The following SIPA1 variants were observed in gnomAD, a reference collection of about 807,000 sequenced individuals.
SIPA1 encodes signal-induced proliferation-associated protein 1.
Under a neutral mutation model 88.1 loss-of-function variants are expected in SIPA1, and 51 were observed. That is an observed-to-expected ratio of 0.58 (90% CI 0.46 to 0.73). SIPA1 has a LOEUF of 0.73. Among genes scored for constraint, SIPA1 ranks in the 30% least tolerant of loss-of-function variants. The probability of loss-of-function intolerance (pLI) is 0.00; values close to 1 mark genes in which losing one functional copy is unlikely to be tolerated. For missense variants in SIPA1, 1,348 were observed against 1,467.6 expected, an observed-to-expected ratio of 0.92 and a Z score of 1.33; for synonymous variants, 681 against 664.8, an observed-to-expected ratio of 1.02 and a Z score of -0.37.
Position 65,646,737 on chromosome 11 carries a change from C to T in SIPA1, c.1703C>T (p.Pro568Leu). Residue 568 changes from proline to leucine, a missense_variant, in exon 8 of 16, where the codon CCT becomes CTT. Around this residue, in one of 4 missense-constraint regions of SIPA1, gnomAD observed 68 missense variants for 59.0 expected, o/e 1.15. Transcript: ENST00000534313. The surrounding 1 kb of genome is among the most constrained non-coding windows in gnomAD (Gnocchi z 7.5). ...CTGGGTGGGAGGCGCCGGGCGGCCC[C>T]TCGGGGCCCAGGCGCCGAGCTGCAG... ...PSLGGRRRAA[P>L]RGPGAELQAA... The T allele has an allele frequency of 6.6e-7, 1 of 1,523,868 alleles. No individual in the cohort carries two copies. The highest frequency in any genetic ancestry group is 8.8e-7 in the Non-Finnish European group (1 of 1,139,740). The allele number at this position is 1,523,868 out of a possible 1,614,324, so 94.4% of individuals were successfully genotyped here. A position where few individuals can be genotyped will look rare whatever the true frequency, so the allele number is the denominator to read the frequency against.
Position 65,647,367 on chromosome 11 carries a change from T to C in SIPA1, c.2032-17T>C. On this transcript the variant is annotated splice_polypyrimidine_tract_variant and intron_variant, in intron 8 of 15. Coordinates refer to ENST00000534313, the MANE Select transcript of SIPA1 (RefSeq NM_006747.4). ...ACCTCCCGGCAGCCCCGCCCACTCG[T>C]CCCGCCCCGTCCGCAGCTGGTGAGC... The C allele has an allele frequency of 7.8e-6, 11 of 1,407,964 alleles. No individual in the cohort carries two copies. Among genetic ancestry groups the C allele is most frequent in the Non-Finnish European group, 9.2e-6 (10 of 1,090,892 alleles). The allele number at this position is 1,407,964 out of a possible 1,614,324, so 87.2% of individuals were successfully genotyped here. A position where few individuals can be genotyped will look rare whatever the true frequency, so the allele number is the denominator to read the frequency against.
chr11:65,649,526 G>A (rs560698711), intron 10 of SIPA1, 35 bp from the exon 11 acceptor site: 25 of 1,613,946 alleles, frequency 1.5e-5, no homozygotes, highest in African/African-American at 1.3e-4. Flanking sequence ...CTGGGAAAGC[G>A]GCTTCCCTTT....
chr11:65,646,928 T>C lies in SIPA1; in HGVS notation c.1894T>C (p.Cys632Arg). ...GCGCGACGGCCGCGTAGTGTTCAAT[T>C]GCGCCTGTCGCGACGTGCTGGCCTG... ...APRDGRVVFNCACRDVLAWTF... is the reference protein window; with the variant it reads ...APRDGRVVFNRACRDVLAWTF... The change falls in exon 8 of 16, where the codon TGC (cysteine) becomes CGC (arginine). Residue 632 changes from cysteine to arginine, a missense_variant. This residue lies in a region of SIPA1 where 24 missense variants were observed against 51.1 expected (regional missense o/e 0.47). Transcript: ENST00000534313. The surrounding 1 kb of genome is among the most constrained non-coding windows in gnomAD (Gnocchi z 7.5). 6.5e-7 allele frequency: 1 copy of C among 1,535,772 alleles called. No individual in the cohort carries two copies. The highest frequency in any genetic ancestry group is 1.2e-5 in the South Asian group (1 of 84,008).
At chr11:65,648,836 C>CAA (rs34071483) in intron 9 of SIPA1, among the ~76,000 whole-genome samples, 1 of 112,770 alleles carries the variant, frequency 8.9e-6, no homozygotes, top group Non-Finnish European at 1.9e-5. Context: ...AACTCCATCT[C>CAA]AAAAAAAAAA....
chr11:65,650,502 G>T (rs758044951), intron 15 of SIPA1, 23 bp downstream of exon 15: 9 of 1,613,948 alleles, frequency 5.6e-6, no homozygotes, highest in Non-Finnish European at 6.8e-6. Context: ...CTGAGCTTGG[G>T]GGGAGTCACA....
Position 65,640,969 on chromosome 11 carries a change from C to G in SIPA1, c.48C>G (p.Ala16=). 1 of 1,570,652 alleles carries G rather than the reference C, an allele frequency of 6.4e-7. No individual in the cohort carries two copies. The highest frequency in any genetic ancestry group is 8.6e-7 in the Non-Finnish European group (1 of 1,165,620). ...GGVGSPRRGM[A]PASTDDLFAR... ...TGGGGAGCCCTCGGCGGGGCATGGC[C>G]CCTGCGTCCACAGATGACCTCTTTG... Residue 16 remains alanine (A), a synonymous_variant, in exon 2 of 16, where the codon GCC becomes GCG. Coordinates refer to ENST00000534313, the MANE Select transcript of SIPA1 (RefSeq NM_006747.4).
Position 65,649,454 on chromosome 11 carries a change from C to G in SIPA1, c.2499C>G (p.His833Gln). ...CCGAGGAGAGGACTGAGTTCCTGCACAGCCAGAACTCGCTGTCACCACGCA... is the reference window on the plus strand; with the variant it reads ...CCGAGGAGAGGACTGAGTTCCTGCAGAGCCAGAACTCGCTGTCACCACGCA... ...DLAEERTEFLHSQNSLSPRSS... is the reference protein window; with the variant it reads ...DLAEERTEFLQSQNSLSPRSS... Residue 833 changes from histidine to glutamine, a missense_variant, in exon 10 of 16, where the codon CAC becomes CAG. His to Gln is a conservative substitution (Grantham distance 24). Coordinates refer to ENST00000534313, the MANE Select transcript of SIPA1 (RefSeq NM_006747.4). 1 of 1,610,822 alleles carries G rather than the reference C, an allele frequency of 6.2e-7. No homozygotes were observed. Among genetic ancestry groups the G allele is most frequent in the Non-Finnish European group, 8.5e-7 (1 of 1,178,436 alleles).
At position 65,642,114 on chromosome 11, in the gene SIPA1, G is replaced by A; in HGVS notation, c.680-136G>A. 7.2e-6 allele frequency: 9 copies of A among 1,248,354 alleles called. No individual in the cohort carries two copies. The highest frequency in any genetic ancestry group is 8.9e-6 in the Non-Finnish European group (8 of 903,170). The allele number at this position is 1,248,354 out of a possible 1,614,324, so 77.3% of individuals were successfully genotyped here. On this transcript the variant is annotated intron_variant, in intron 2 of 15. Coordinates refer to ENST00000534313, the MANE Select transcript of SIPA1 (RefSeq NM_006747.4). This position sits in a 1 kb window ranked among gnomAD's most constrained non-coding sequence, Gnocchi z 6.5. ...AAGATATTGAGCTCGGGGCTACAGA[G>A]GGGCGGGACTTAGTCTAGGGTCAAC...
At position 65,649,285 on chromosome 11, in the gene SIPA1, T is replaced by G; in HGVS notation, c.2330T>G (p.Leu777Arg). The G allele has an allele frequency of 6.5e-7, 1 of 1,547,608 alleles. No homozygotes were observed. The highest frequency in any genetic ancestry group is 8.7e-7 in the Non-Finnish European group (1 of 1,144,268). ...PRRSFSELYT[L>R]SLQEPSRRGA... ...AGGAGTTTTTCGGAGCTGTACACGCTGTCGCTGCAGGAGCCTAGCCGGCGG... is the reference window on the plus strand; with the variant it reads ...AGGAGTTTTTCGGAGCTGTACACGCGGTCGCTGCAGGAGCCTAGCCGGCGG... The change falls in exon 10 of 16, where the codon CTG becomes CGG. Residue 777 changes from leucine to arginine, a missense_variant. By Grantham distance (102) the Leu-to-Arg change is moderately radical. This residue lies in a region of SIPA1 where 615 missense variants were observed against 559.8 expected (regional missense o/e 1.10). Transcript: ENST00000534313.
At chr11:65,649,736 G>A in intron 11 of SIPA1, 21 bp from the exon 12 acceptor site, 1 of 1,614,054 alleles carries the variant, frequency 6.2e-7, no homozygotes, top group Non-Finnish European at 8.5e-7. Context: ...CACTGAATCT[G>A]TATCCACTTC....
Position 65,646,180 on chromosome 11 carries a change from A to G in SIPA1, c.1264-41A>G. On this transcript the variant is annotated intron_variant, in intron 6 of 15. Transcript: ENST00000534313. This position sits in a 1 kb window ranked among gnomAD's most constrained non-coding sequence, Gnocchi z 7.5. ...GCCTGAATGAGGAGGGGTTTGGGGC[A>G]CAGAAGACCTCATCACGAGCCCCTA... 1 of 1,604,828 alleles carries G rather than the reference A, an allele frequency of 6.2e-7. No individual in the cohort carries two copies. The highest frequency in any genetic ancestry group is 2.2e-5 in the East Asian group (1 of 44,800).
At chr11:65,641,685 G>T in intron 2 of SIPA1, 85 bp downstream of exon 2, 1 of 1,239,406 alleles carries the variant, frequency 8.1e-7, no homozygotes. Flanking sequence ...TAGGGCTCAT[G>T]AACTGTCCAT....
At position 65,644,952 on chromosome 11, in the gene SIPA1, C is replaced by A; in HGVS notation, c.985-3C>A. On this transcript the variant is annotated splice_region_variant and splice_polypyrimidine_tract_variant and intron_variant, in intron 4 of 15. Transcript: ENST00000534313. ...ACCTATGCCTTCTGTCTCCCACCCA[C>A]AGCTGAGCTTCCAACGCAAGGTGGG... The A allele has an allele frequency of 6.2e-7, 1 of 1,611,048 alleles. No individual in the cohort carries two copies. Among genetic ancestry groups the A allele is most frequent in the Non-Finnish European group, 8.5e-7 (1 of 1,178,048 alleles).
chr11:65,649,228 G>A, intron 9 of SIPA1, 34 bp from the exon 10 acceptor site: 1 of 1,436,022 alleles, frequency 7.0e-7, no homozygotes, highest in Non-Finnish European at 9.4e-7. Flanking sequence ...CTGGGGACTG[G>A]AGAAGTCCTG....
rs767388745 is a variant in SIPA1 at position 65,642,513 on chromosome 11, C to T, written c.858C>T (p.Pro286=). The change falls in exon 4 of 16, where the codon CCC becomes CCT. Residue 286 remains proline, a synonymous_variant. Coordinates refer to ENST00000534313, the MANE Select transcript of SIPA1 (RefSeq NM_006747.4). The surrounding 1 kb of genome is among the most constrained non-coding windows in gnomAD (Gnocchi z 6.5). ...CGGAGGACGCGCTGCCGCCGGGGCC[C>T]CCACGGGGTCTGTCCCCAAGGAAAC... ...TISEDALPPG[P]PRGLSPRKLL... is the part of the protein sequence containing the mutation. The T allele has an allele frequency of 6.2e-7, 1 of 1,609,850 alleles. No individual in the cohort carries two copies.
At position 65,647,382 on chromosome 11, in the gene SIPA1, A is replaced by G; in HGVS notation, c.2032-2A>G. The G allele has an allele frequency of 1.4e-6, 2 of 1,433,826 alleles. No individual in the cohort carries two copies. Among genetic ancestry groups the G allele is most frequent in the Non-Finnish European group, 9.1e-7 (1 of 1,102,174 alleles). 88.8% of individuals were successfully genotyped at this position (1,433,826 alleles called of 1,614,324 possible). A position where few individuals can be genotyped will look rare whatever the true frequency, so the allele number is the denominator to read the frequency against. Reference sequence around the variant, plus strand: ...CGCCCACTCGTCCCGCCCCGTCCGCAGCTGGTGAGCCGTGGCTGCGAGACC... The same window carrying G: ...CGCCCACTCGTCCCGCCCCGTCCGCGGCTGGTGAGCCGTGGCTGCGAGACC... On this transcript the variant is annotated splice_acceptor_variant, in intron 8 of 15. Transcript: ENST00000534313. LOFTEE classifies it high-confidence loss of function.
chr11:65,642,470 C>T lies in SIPA1; in HGVS notation c.815C>T (p.Thr272Ile). 1.9e-6 allele frequency: 3 copies of T among 1,611,632 alleles called. No individual in the cohort carries two copies. Among genetic ancestry groups the T allele is most frequent in the Non-Finnish European group, 2.5e-6 (3 of 1,179,482 alleles). The change falls in exon 4 of 16, where the codon ACA (threonine) becomes ATA (isoleucine). Residue 272 changes from threonine (T) to isoleucine (I), a missense_variant. By Grantham distance (89) the Thr-to-Ile change is moderately conservative. Coordinates refer to ENST00000534313, the MANE Select transcript of SIPA1 (RefSeq NM_006747.4). The surrounding 1 kb of genome is among the most constrained non-coding windows in gnomAD (Gnocchi z 6.5). Reference sequence around the variant, plus strand: ...CTTACACCCCTTCCTCAGCTCCGGACACTCCGTGGCACCATCTCGGAGGAC... The same window carrying T: ...CTTACACCCCTTCCTCAGCTCCGGATACTCCGTGGCACCATCTCGGAGGAC... ...RVIVRTTQLR[T>I]LRGTISEDAL...
intron 2 of SIPA1, 33 bp downstream of exon 2, chr11:65,641,633 G>A: frequency 3.2e-6 from 5 of 1,561,398 alleles, no homozygotes; most frequent in Non-Finnish European, 4.3e-6. Context: ...AGTGGAGGAG[G>A]GGGGCTGAAG....
Position 65,649,807 on chromosome 11 carries a change from G to C in SIPA1, c.2688G>C (p.Pro896=), listed in dbSNP as rs571372087. The C allele has an allele frequency of 3.7e-6, 6 of 1,614,082 alleles. No individual in the cohort carries two copies. In the South Asian group the frequency reaches 4.4e-5, roughly 12 times the overall value. The change falls in exon 12 of 16, where the codon CCG becomes CCC. Residue 896 remains proline (P), a synonymous_variant. Coordinates refer to ENST00000534313, the MANE Select transcript of SIPA1 (RefSeq NM_006747.4). ...CTGAGGACAAGGGCAACCCGGCGCCGGAGCTGAGGGCCTCCTTTCTGCCAC... is the reference window on the plus strand; with the variant it reads ...CTGAGGACAAGGGCAACCCGGCGCCCGAGCTGAGGGCCTCCTTTCTGCCAC... The part of the protein sequence containing the change: ...SGSEDKGNPA[P]ELRASFLPRT...
Sources: allele counts gnomAD v4.1 joint callset (sites outside exome capture counted in the v4.1 genomes callset), GRCh38; gene constraint gnomAD v4.1.1; regional missense constraint gnomAD v4.1.1; non-coding constraint Gnocchi (gnomAD v3.1); transcripts MANE v1.5; gene names NCBI Gene and HGNC (gene_info 2026-07-23, HGNC 2026-07-21).